SHISA9: variants seen among roughly 807,000 people sequenced by gnomAD.
The protein encoded by SHISA9 is protein shisa-9.
SHISA9 carries 13 observed loss-of-function variants against 38.0 expected under a neutral mutation model. The ratio of observed to expected loss-of-function variants is 0.34; its 90% CI spans 0.22 to 0.54. The LOEUF is 0.54. SHISA9 is among the 20% of genes least tolerant of loss of function. The pLI is 0.91. For synonymous variants in SHISA9, 275 were observed against 242.0 expected, an observed-to-expected ratio of 1.14 and a Z score of -1.27; for missense variants, 538 against 575.8, an observed-to-expected ratio of 0.93 and a Z score of 0.67.
At chr16:12,992,362 T>TA (rs34729407) in intron 2 of SHISA9, among the ~76,000 whole-genome samples, 25,015 of 113,630 alleles carry the variant, frequency 0.22, 2,944 homozygotes, top group Middle Eastern at 0.32. Context: ...CCATCTCTAC[T>TA]AAAAAAAAAA....
intron 2 of SHISA9, among the ~76,000 whole-genome samples, chr16:13,099,464 C>T (rs60954742): frequency 0.022 from 3,285 of 152,188 alleles, 133 homozygotes; most frequent in African/African-American, 0.075. Flanking sequence ...TAGTTCTGAG[C>T]AGGCTGAGAG....
intron 2 of SHISA9, among the ~76,000 whole-genome samples, chr16:13,161,242 G>A (rs1417417741): frequency 6.6e-6 from 1 of 152,142 alleles, no homozygotes; most frequent in Non-Finnish European, 1.5e-5. Context: ...GTCAAAAGGC[G>A]TGGTGAGCCC....
chr16:13,359,905 T>C, the SHISA9 span, among the ~76,000 whole-genome samples: 1 of 152,180 alleles, frequency 6.6e-6, no homozygotes, highest in Non-Finnish European at 1.5e-5. Flanking sequence ...CTAGGATTCA[T>C]GTTGAGCTGG....
the SHISA9 span, among the ~76,000 whole-genome samples, chr16:13,379,993 G>T: frequency 1.3e-5 from 2 of 151,914 alleles, no homozygotes; most frequent in Non-Finnish European, 2.9e-5. Context: ...TAACTAAAAA[G>T]ATAACAATTA....
the SHISA9 span, among the ~76,000 whole-genome samples, chr16:13,433,146 G>T: frequency 6.6e-6 from 1 of 151,440 alleles, no homozygotes; most frequent in African/African-American, 2.4e-5. Flanking sequence ...AATAGGGATA[G>T]TCATAGTTAC....
chr16:13,271,209 T>TG, the SHISA9 span, among the ~76,000 whole-genome samples: 1 of 152,172 alleles, frequency 6.6e-6, no homozygotes, highest in Non-Finnish European at 1.5e-5. Flanking sequence ...AGAACCACAC[T>TG]GGTGATCCGG....
At chr16:13,262,931 G>A in the SHISA9 span, among the ~76,000 whole-genome samples, 20 of 152,148 alleles carry the variant, frequency 1.3e-4, no homozygotes, top group African/African-American at 4.8e-4. Flanking sequence ...TCTCCCCAGG[G>A]CACCTATGCC....
intron 2 of SHISA9, among the ~76,000 whole-genome samples, chr16:12,950,969 C>G (rs571551503): frequency 1.3e-5 from 2 of 149,580 alleles, no homozygotes; most frequent in East Asian, 2.0e-4. Context: ...CACCTGTAAT[C>G]TCAGCACTTT....
At chr16:12,957,071 C>G (rs191768711) in intron 2 of SHISA9, among the ~76,000 whole-genome samples, 112 of 152,140 alleles carry the variant, frequency 7.4e-4, no homozygotes, top group African/African-American at 2.5e-3. Context: ...TATTCATCTA[C>G]TCTCTTCTCC....
the SHISA9 span, among the ~76,000 whole-genome samples, chr16:13,276,005 A>T: frequency 6.6e-6 from 1 of 151,922 alleles, no homozygotes; most frequent in Non-Finnish European, 1.5e-5. Flanking sequence ...GTGATTTGTG[A>T]AATTTTGGTG....
chr16:13,346,000 AC>A, the SHISA9 span, among the ~76,000 whole-genome samples: 1 of 152,186 alleles, frequency 6.6e-6, no homozygotes, highest in Non-Finnish European at 1.5e-5. Context: ...TTTAAGGGGT[AC>A]AAGTGCAGCT....
chr16:13,048,429 A>T (rs1206510287), intron 2 of SHISA9, among the ~76,000 whole-genome samples: 6 of 149,908 alleles, frequency 4.0e-5, no homozygotes, highest in Non-Finnish European at 7.4e-5. Context: ...GACTTATAAC[A>T]TTTTTTTTTT....
the SHISA9 span, among the ~76,000 whole-genome samples, chr16:13,373,006 C>T: frequency 6.6e-6 from 1 of 152,020 alleles, no homozygotes; most frequent in Non-Finnish European, 1.5e-5. Flanking sequence ...TTTTTTCATC[C>T]TCAGAACCAA....
chr16:13,198,877 C>G (rs1322060153), intron 2 of SHISA9, among the ~76,000 whole-genome samples: 1 of 152,164 alleles, frequency 6.6e-6, no homozygotes, highest in Non-Finnish European at 1.5e-5. Flanking sequence ...GGTGTCACTT[C>G]TTTTGAGAGG....
At position 12,930,508 on chromosome 16, in the gene SHISA9, C is replaced by T. The variant is rs563596276; in HGVS notation, c.691+13693C>T. Reference sequence around the variant, plus strand: ...ATTGATTTTTGTCAAAAGCATTTTCCTCCTTTTCATTTCTTTCGGCTTCTC... The same window carrying T: ...ATTGATTTTTGTCAAAAGCATTTTCTTCCTTTTCATTTCTTTCGGCTTCTC... On this transcript the variant is annotated intron_variant, in intron 2 of 4. Coordinates refer to ENST00000558583, the MANE Select transcript of SHISA9 (RefSeq NM_001145204.3). Among the ~76,000 whole-genome samples the T allele has an allele frequency of 1.2e-3, 177 of 152,306 alleles. 6 individuals carry two copies. The South Asian group carries it at 0.034, about 30-fold the overall frequency.
the SHISA9 span, among the ~76,000 whole-genome samples, chr16:13,402,616 A>G: frequency 1.3e-5 from 2 of 151,298 alleles, no homozygotes; most frequent in African/African-American, 4.9e-5. Flanking sequence ...GGTTGAAGCA[A>G]TTCTCCTGCC....
At chr16:13,515,383 A>G in the SHISA9 span, among the ~76,000 whole-genome samples, 2 of 152,208 alleles carry the variant, frequency 1.3e-5, no homozygotes, top group African/African-American at 2.4e-5. Context: ...TGGTAACTAC[A>G]TGGTGTATAT....
the SHISA9 span, among the ~76,000 whole-genome samples, chr16:13,286,051 T>A: frequency 6.6e-6 from 1 of 152,198 alleles, no homozygotes; most frequent in South Asian, 2.1e-4. Flanking sequence ...CATATTTGAT[T>A]GCCTCCTTTG....
intron 2 of SHISA9, among the ~76,000 whole-genome samples, chr16:13,151,465 CCTT>C (rs1333890485): frequency 1.3e-5 from 2 of 152,146 alleles, no homozygotes; most frequent in Admixed American, 6.5e-5. Flanking sequence ...AACCAGCTCA[CCTT>C]CTTCTTATGG....
Sources: allele counts gnomAD v4.1 joint callset (sites outside exome capture counted in the v4.1 genomes callset), GRCh38; gene constraint gnomAD v4.1.1; transcripts MANE v1.5; gene names NCBI Gene and HGNC (gene_info 2026-07-23, HGNC 2026-07-21).